Variants in FOSB observed in about 807,000 individuals in gnomAD.
FOSB encodes the protein FosB proto-oncogene, AP-1 transcription factor subunit, also known as protein FosB.
In FOSB, 8 loss-of-function variants were observed where a neutral mutation model predicts 31.1. The observed-to-expected ratio is 0.26, with a 90% CI of 0.15 to 0.46. The LOEUF is 0.46. FOSB is among the 20% of genes least tolerant of loss of function. FOSB has a pLI of 0.99. For missense variants in FOSB, 376 were observed against 460.6 expected (o/e 0.82, Z 1.68); for synonymous variants, 214 against 206.1 (o/e 1.04, Z -0.33).
chr19:45,468,606 G>A lies in FOSB; in HGVS notation c.20G>A (p.Gly7Glu). Residue 7 changes from glycine (G) to glutamate (E), a missense_variant, in exon 1 of 4, where the codon GGA (glycine) becomes GAA (glutamate). By Grantham distance (98) the Gly-to-Glu change is moderately conservative. This residue lies in a region of FOSB where 193 missense variants were observed against 207.1 expected (regional missense o/e 0.93). Transcript: ENST00000353609. The surrounding 1 kb of genome is among the most constrained non-coding windows in gnomAD (Gnocchi z 4.8). ...AGGGAAATGTTTCAGGCTTTCCCCG[G>A]AGACTACGACTCCGGCTCCCGGTGC... The part of the protein sequence containing the change: MFQAFP[G>E]DYDSGSRCSS... The A allele has an allele frequency of 6.2e-7, 1 of 1,613,038 alleles. No individual in the cohort carries two copies. The highest frequency in any genetic ancestry group is 1.1e-5 in the South Asian group (1 of 90,996).
rs1489543629 is a variant in FOSB at position 45,473,117 on chromosome 19, T to C, written c.*105T>C. 2 of 1,056,144 alleles carry C rather than the reference T, an allele frequency of 1.9e-6. No individual in the cohort carries two copies. The highest frequency in any genetic ancestry group is 3.2e-5 in the African/African-American group (2 of 63,352). The allele number at this position is 1,056,144 out of a possible 1,614,324, so 65.4% of individuals were successfully genotyped here. A position where few individuals can be genotyped will look rare whatever the true frequency, so the allele number is the denominator to read the frequency against. Reference sequence around the variant, plus strand: ...GAGAGGGGAAGAGACAAAGTGGGTGTGTGGCCTCCCTGGCTCCTCCGTCTG... The same window carrying C: ...GAGAGGGGAAGAGACAAAGTGGGTGCGTGGCCTCCCTGGCTCCTCCGTCTG... On this transcript the variant is annotated 3_prime_UTR_variant, in exon 4 of 4. Coordinates refer to ENST00000353609, the MANE Select transcript of FOSB (RefSeq NM_006732.3).
In FOSB at chr19:45,470,661, C is replaced by A. The variant is rs147923411; in HGVS notation, c.159C>A (p.Ser53=). 7 of 1,612,056 alleles carry A rather than the reference C, an allele frequency of 4.3e-6. No homozygotes were observed. Among genetic ancestry groups the A allele is most frequent in the Non-Finnish European group, 5.9e-6 (7 of 1,179,380 alleles). ...ECAGLGEMPG[S]FVPTVTAITT... The stretch of plus-strand genomic sequence containing the variant: ...CCGGTCTCGGGGAAATGCCCGGTTC[C>A]TTCGTGCCCACGGTCACCGCGATCA... The change falls in exon 2 of 4, where the codon TCC becomes TCA. Residue 53 remains serine (S), a synonymous_variant. Transcript: ENST00000353609.
At chr19:45,471,142 G>A (rs1967644442) in intron 2 of FOSB, 52 bp from the exon 3 acceptor site, 5 of 1,474,012 alleles carry the variant, frequency 3.4e-6, no homozygotes, top group Non-Finnish European at 4.6e-6. Flanking sequence ...TTCGGGATGG[G>A]TGGAGGAGTG....
chr19:45,470,517 G>A lies in FOSB; in HGVS notation c.127-112G>A, dbSNP rs568499235. ...CCCTGTGACACACACATCCACACTC[G>A]CTCACCCTGTGCTCACTCACGGGGT... On this transcript the variant is annotated intron_variant, in intron 1 of 3. Transcript: ENST00000353609. 1.1e-4 allele frequency: 118 copies of A among 1,082,238 alleles called. 1 individual carries two copies. The South Asian group carries it at 1.6e-3, about 15-fold the overall frequency. The allele number at this position is 1,082,238 out of a possible 1,614,324, so 67.0% of individuals were successfully genotyped here.
In FOSB at chr19:45,472,363, C is replaced by A. The variant is rs112149154; in HGVS notation, c.556-188C>A. Among the ~76,000 whole-genome samples, 8 of 152,330 alleles carry A rather than the reference C, an allele frequency of 5.3e-5. 1 individual carries two copies. Among genetic ancestry groups the A allele is most frequent in the African/African-American group, 1.9e-4 (8 of 41,576 alleles). The stretch of plus-strand genomic sequence containing the variant: ...GGACAGATGGGGGAAACTGAGGTTC[C>A]TGGAAGGCAAGACCCTTGCCCCAAC... On this transcript the variant is annotated intron_variant, in intron 3 of 3. Coordinates refer to ENST00000353609, the MANE Select transcript of FOSB (RefSeq NM_006732.3). The surrounding 1 kb of genome is among the most constrained non-coding windows in gnomAD (Gnocchi z 5.4).
chr19:45,472,737 A>G lies in FOSB; in HGVS notation c.742A>G (p.Lys248Glu), dbSNP rs1253185613. 3 of 1,613,820 alleles carry G rather than the reference A, an allele frequency of 1.9e-6. No individual in the cohort carries two copies. Among genetic ancestry groups the G allele is most frequent in the Non-Finnish European group, 8.5e-7 (1 of 1,179,892 alleles). ...AGATTTGCCGGGCTCAGCACCGGCTAAGGAAGATGGCTTCAGCTGGCTGCT... is the reference window on the plus strand; with the variant it reads ...AGATTTGCCGGGCTCAGCACCGGCTGAGGAAGATGGCTTCAGCTGGCTGCT... ...VRDLPGSAPA[K>E]EDGFSWLLPP... is the part of the protein sequence containing the mutation. Residue 248 changes from lysine (K) to glutamate (E), a missense_variant, in exon 4 of 4, where the codon AAG becomes GAG. Physicochemically the swap from Lys to Glu is moderately conservative, Grantham distance 56. This residue lies in a region of FOSB where 148 missense variants were observed against 170.0 expected (regional missense o/e 0.87). Coordinates refer to ENST00000353609, the MANE Select transcript of FOSB (RefSeq NM_006732.3). This position sits in a 1 kb window ranked among gnomAD's most constrained non-coding sequence, Gnocchi z 5.4.
In FOSB at chr19:45,472,720, C is replaced by G; in HGVS notation, c.725C>G (p.Pro242Arg). The change falls in exon 4 of 4, where the codon CCG becomes CGG. Residue 242 changes from proline to arginine, a missense_variant. Physicochemically the swap from Pro to Arg is moderately radical, Grantham distance 103. This residue lies in a region of FOSB where 148 missense variants were observed against 170.0 expected (regional missense o/e 0.87). Transcript: ENST00000353609. The surrounding 1 kb of genome is among the most constrained non-coding windows in gnomAD (Gnocchi z 5.4). ...CCGCTGGCGGAGGTGAGAGATTTGC[C>G]GGGCTCAGCACCGGCTAAGGAAGAT... Reference protein sequence around the residue: ...PGPLAEVRDLPGSAPAKEDGF... With the variant: ...PGPLAEVRDLRGSAPAKEDGF... 1.9e-6 allele frequency: 3 copies of G among 1,610,818 alleles called. No individual in the cohort carries two copies. The highest frequency in any genetic ancestry group is 2.5e-6 in the Non-Finnish European group (3 of 1,178,292).
intron 1 of FOSB, among the ~76,000 whole-genome samples, chr19:45,469,661 G>T (rs918841971): frequency 6.6e-6 from 1 of 152,146 alleles, no homozygotes; most frequent in Non-Finnish European, 1.5e-5. Flanking sequence ...TTCTTGGAGA[G>T]ATACGGTGGC....
intron 1 of FOSB, 120 bp from the exon 2 acceptor site, chr19:45,470,509 C>A (rs1242069286): frequency 5.0e-6 from 5 of 999,878 alleles, no homozygotes; most frequent in Non-Finnish European, 5.9e-6. Flanking sequence ...ACACACACAT[C>A]CACACTCGCT....
In FOSB at chr19:45,472,996, C is replaced by G; in HGVS notation, c.1001C>G (p.Ser334Cys). The G allele has an allele frequency of 6.2e-7, 1 of 1,609,568 alleles. No individual in the cohort carries two copies. Among genetic ancestry groups the G allele is most frequent in the East Asian group, 2.2e-5 (1 of 44,880 alleles). The stretch of plus-strand genomic sequence containing the variant: ...CCTTCCGATCCCCTGAACTCGCCCT[C>G]CCTCCTCGCTCTGTGAACTCTTTAG... ...DQPSDPLNSPSLLAL is the reference protein window; with the variant it reads ...DQPSDPLNSPCLLAL The change falls in exon 4 of 4, where the codon TCC becomes TGC. Residue 334 changes from serine (S) to cysteine (C), a missense_variant. Physicochemically the swap from Ser to Cys is moderately radical, Grantham distance 112. This residue lies in a region of FOSB where 148 missense variants were observed against 170.0 expected (regional missense o/e 0.87). Transcript: ENST00000353609. The surrounding 1 kb of genome is among the most constrained non-coding windows in gnomAD (Gnocchi z 5.4).
At position 45,474,293 on chromosome 19, in the gene FOSB, A is replaced by G. The variant is rs1967780667; in HGVS notation, c.*1281A>G. On this transcript the variant is annotated 3_prime_UTR_variant, in exon 4 of 4. Coordinates refer to ENST00000353609, the MANE Select transcript of FOSB (RefSeq NM_006732.3). ...ACCCCCAAACCCCCAATATTTTTGG[A>G]CTGGCAGACTCAAGGGGCTGGAATC... The G allele has an allele frequency of 6.6e-6, 1 of 152,422 alleles. No individual in the cohort carries two copies. Among genetic ancestry groups the G allele is most frequent in the African/African-American group, 2.4e-5 (1 of 41,386 alleles). 9.4% of individuals were successfully genotyped at this position (152,422 alleles called of 1,614,324 possible).
Position 45,470,600 on chromosome 19 carries a change from C to T in FOSB, c.127-29C>T, listed in dbSNP as rs752214866. The T allele has an allele frequency of 1.0e-5, 16 of 1,570,512 alleles. No individual in the cohort carries two copies. The African/African-American group carries it at 1.5e-4, about 15-fold the overall frequency. The stretch of plus-strand genomic sequence containing the variant: ...GTCGGTGTCTTTGTTTGTGTGTCTA[C>T]GCCTGTGTGTGTATGTGTCACCCCG... On this transcript the variant is annotated intron_variant, in intron 1 of 3. Coordinates refer to ENST00000353609, the MANE Select transcript of FOSB (RefSeq NM_006732.3).
intron 2 of FOSB, 80 bp downstream of exon 2, chr19:45,471,029 T>A (rs752373668): frequency 6.9e-7 from 1 of 1,446,524 alleles, no homozygotes; most frequent in Admixed American, 1.8e-5. Flanking sequence ...GGAGGGGGGC[T>A]CCACTAAGGC....
intron 1 of FOSB, 115 bp from the exon 2 acceptor site, chr19:45,470,514 C>G: frequency 9.5e-7 from 1 of 1,057,390 alleles, no homozygotes. Flanking sequence ...CACATCCACA[C>G]TCGCTCACCC....
rs1254930511 is a variant in FOSB at position 45,468,080 on chromosome 19, G to T, written c.-507G>T. 6.7e-6 allele frequency: 1 copy of T among 148,654 alleles called. No homozygotes were observed. Among genetic ancestry groups the T allele is most frequent in the Non-Finnish European group, 1.5e-5 (1 of 67,666 alleles). 9.2% of individuals were successfully genotyped at this position (148,654 alleles called of 1,614,324 possible). A position where few individuals can be genotyped will look rare whatever the true frequency, so the allele number is the denominator to read the frequency against. Reference sequence around the variant, plus strand: ...TTGATTGTTGTGGTTCTTCTTGGGGGTTATGAAATTTCATTAATCTTTTTT... The same window carrying T: ...TTGATTGTTGTGGTTCTTCTTGGGGTTTATGAAATTTCATTAATCTTTTTT... On this transcript the variant is annotated 5_prime_UTR_variant, in exon 1 of 4. Coordinates refer to ENST00000353609, the MANE Select transcript of FOSB (RefSeq NM_006732.3). The surrounding 1 kb of genome is among the most constrained non-coding windows in gnomAD (Gnocchi z 4.8).
intron 2 of FOSB, 26 bp downstream of exon 2, chr19:45,470,975 C>T (rs752610193): frequency 2.0e-5 from 32 of 1,605,330 alleles, no homozygotes; most frequent in Non-Finnish European, 2.6e-5. Flanking sequence ...CAGAACTTGG[C>T]CTGGGTAGGG....
Position 45,468,858 on chromosome 19 carries a change from CAA to C in FOSB, c.126+148_126+149del, listed in dbSNP as rs374524073. ...GGCTCACAGCGCACTTTGCAAACTG[CAA>C]AGAGTCGGGAGATGTTTGCAATTGG... On this transcript the variant is annotated intron_variant, in intron 1 of 3. Coordinates refer to ENST00000353609, the MANE Select transcript of FOSB (RefSeq NM_006732.3). This position sits in a 1 kb window ranked among gnomAD's most constrained non-coding sequence, Gnocchi z 4.8. The C allele has an allele frequency of 4.1e-4, 367 of 905,526 alleles. 1 individual carries two copies. The African/African-American group carries it at 4.4e-3, about 11-fold the overall frequency. The allele number at this position is 905,526 out of a possible 1,614,324, so 56.1% of individuals were successfully genotyped here.
Position 45,472,483 on chromosome 19 carries a change from T to TC in FOSB, c.556-65dup, listed in dbSNP as rs34370979. On this transcript the variant is annotated intron_variant, in intron 3 of 3. Coordinates refer to ENST00000353609, the MANE Select transcript of FOSB (RefSeq NM_006732.3). The surrounding 1 kb of genome is among the most constrained non-coding windows in gnomAD (Gnocchi z 5.4). ...GTCCAAGGGAGCCATGACCCGAGTT[T>TC]CCCGGTCACTGACATGCTTTTTTCT... The TC allele has an allele frequency of 4.5e-6, 6 of 1,319,184 alleles. No individual in the cohort carries two copies. In the African/African-American group the frequency reaches 5.9e-5, roughly 13 times the overall value. 81.7% of individuals were successfully genotyped at this position (1,319,184 alleles called of 1,614,324 possible).
At position 45,468,274 on chromosome 19, in the gene FOSB, G is replaced by C. The variant is rs1436131795; in HGVS notation, c.-313G>C. Reference sequence around the variant, plus strand: ...AGCTGATTCTGTACAGCGGGACAGCGCTTTCTGCCCCTGGGGGAGCAACCC... The same window carrying C: ...AGCTGATTCTGTACAGCGGGACAGCCCTTTCTGCCCCTGGGGGAGCAACCC... On this transcript the variant is annotated 5_prime_UTR_variant, in exon 1 of 4. Coordinates refer to ENST00000353609, the MANE Select transcript of FOSB (RefSeq NM_006732.3). The surrounding 1 kb of genome is among the most constrained non-coding windows in gnomAD (Gnocchi z 4.8). The C allele has an allele frequency of 2.4e-5, 6 of 245,838 alleles. No homozygotes were observed. Among genetic ancestry groups the C allele is most frequent in the Non-Finnish European group, 4.7e-5 (6 of 127,152 alleles). The allele number at this position is 245,838 out of a possible 1,614,324, so 15.2% of individuals were successfully genotyped here.
Sources: gnomAD v4.1 joint callset for allele counts (sites outside exome capture counted in the v4.1 genomes callset) on GRCh38, gnomAD v4.1.1 for gene constraint, gnomAD v4.1.1 regional missense constraint, Gnocchi (gnomAD v3.1) non-coding constraint, MANE v1.5 for transcripts, NCBI Gene and HGNC (gene_info 2026-07-23, HGNC 2026-07-21) for gene names.